Variants in PIWIL2 observed in about 807,000 individuals in gnomAD.
PIWIL2 encodes the protein piwi like RNA-mediated gene silencing 2.
Under a neutral mutation model 116.5 loss-of-function variants are expected in PIWIL2, and 81 were observed. That is an observed-to-expected ratio of 0.70 (90% CI 0.58 to 0.84). The LOEUF is 0.84. PIWIL2 is among the 40% of genes least tolerant of loss of function. The probability of loss-of-function intolerance (pLI) is 0.00; values close to 1 mark genes in which losing one functional copy is unlikely to be tolerated. For missense variants in PIWIL2, 1,272 were observed against 1,212.3 expected (o/e 1.05, Z -0.73); for synonymous variants, 489 against 429.5 (o/e 1.14, Z -1.71).
intron 10 of PIWIL2, among the ~76,000 whole-genome samples, chr8:22,300,028 C>G (rs1010274060): frequency 1.3e-5 from 2 of 152,072 alleles, no homozygotes; most frequent in South Asian, 2.1e-4. Context: ...CAACCTCCAT[C>G]TCCCGGGTTC....
In PIWIL2 at chr8:22,318,245, C is replaced by T; in HGVS notation, c.2373C>T (p.Cys791=). The T allele has an allele frequency of 6.2e-7, 1 of 1,609,770 alleles. No homozygotes were observed. The highest frequency in any genetic ancestry group is 8.5e-7 in the Non-Finnish European group (1 of 1,176,320). ...HQEIVDSLKL[C]LVGSLKKFYE... is the part of the protein sequence containing the mutation. ...AGATTGTGGACAGCCTGAAGCTATG[C>T]CTCGTGGGCTCCTTAAAAAAGTTTT... The change falls in exon 20 of 23, where the codon TGC becomes TGT. Residue 791 remains cysteine (C), a synonymous_variant. Transcript: ENST00000356766.
At chr8:22,310,286 A>G (rs1325070519) in intron 15 of PIWIL2, among the ~76,000 whole-genome samples, 1 of 152,226 alleles carries the variant, frequency 6.6e-6, no homozygotes, top group Non-Finnish European at 1.5e-5. Flanking sequence ...TAGGGAAAGG[A>G]AATAAATTGC....
intron 18 of PIWIL2, among the ~76,000 whole-genome samples, chr8:22,315,498 G>A (rs184866560): frequency 0.088 from 13,346 of 151,942 alleles, 1,952 homozygotes; most frequent in African/African-American, 0.31. Context: ...TGTATTTTTA[G>A]TACAGATGGG....
In PIWIL2 at chr8:22,354,292, C is replaced by G. The variant is rs1182983756; in HGVS notation, c.2679C>G (p.Ala893=). The G allele has an allele frequency of 6.2e-7, 1 of 1,612,502 alleles. No individual in the cohort carries two copies. Among genetic ancestry groups the G allele is most frequent in the African/African-American group, 1.3e-5 (1 of 74,980 alleles). ...SCEWVDFYLL[A]HHVRQGCGIP... The stretch of plus-strand genomic sequence containing the variant: ...CTAGGGTGGATTTCTATCTTCTTGC[C>G]CATCATGTACGGCAGGGCTGTGGCA... Residue 893 remains alanine (A), a synonymous_variant, in exon 22 of 23, where the codon GCC becomes GCG. Transcript: ENST00000356766.
intron 4 of PIWIL2, among the ~76,000 whole-genome samples, chr8:22,282,711 C>T (rs1053802537): frequency 2.0e-5 from 3 of 151,892 alleles, no homozygotes; most frequent in African/African-American, 7.3e-5. Context: ...CCACCTCAGC[C>T]ACCCGAGTAG....
rs1373457866 is a variant in PIWIL2 at position 22,353,030 on chromosome 8, T to C, written c.2475T>C (p.Val825=). The change falls in exon 21 of 23, where the codon GTT becomes GTC. Residue 825 remains valine, a synonymous_variant. Transcript: ENST00000356766. Reference sequence around the variant, plus strand: ...TGTCTGATGGCCAACTGAAGACAGTTGCCAACTATGAGATTCCTCAACTAC... The same window carrying C: ...TGTCTGATGGCCAACTGAAGACAGTCGCCAACTATGAGATTCCTCAACTAC... ...DGVSDGQLKT[V]ANYEIPQLQK... is the part of the protein sequence containing the mutation. 2.5e-6 allele frequency: 4 copies of C among 1,613,722 alleles called. No homozygotes were observed. Among genetic ancestry groups the C allele is most frequent in the Non-Finnish European group, 2.5e-6 (3 of 1,179,686 alleles).
At chr8:22,348,632 T>A (rs1210500288) in intron 20 of PIWIL2, among the ~76,000 whole-genome samples, 2 of 152,156 alleles carry the variant, frequency 1.3e-5, no homozygotes, top group African/African-American at 4.8e-5. Context: ...TTAGCCGGGC[T>A]TGATGGCACA....
intron 20 of PIWIL2, among the ~76,000 whole-genome samples, chr8:22,337,483 C>T (rs1832005501): frequency 6.6e-6 from 1 of 151,966 alleles, no homozygotes; most frequent in Non-Finnish European, 1.5e-5. Flanking sequence ...AATCCCAGCA[C>T]TTTGGGAGGC....
At chr8:22,342,891 A>C (rs765926827) in intron 20 of PIWIL2, among the ~76,000 whole-genome samples, 2 of 152,246 alleles carry the variant, frequency 1.3e-5, no homozygotes, top group African/African-American at 4.8e-5. Context: ...GTATACAAAG[A>C]ACTCTTAAAA....
chr8:22,327,023 A>ATTT (rs1831740207), intron 20 of PIWIL2, among the ~76,000 whole-genome samples: 1 of 81,898 alleles, frequency 1.2e-5, no homozygotes. Flanking sequence ...CTGTTTTTTT[A>ATTT]CTTTTTTTTT....
intron 20 of PIWIL2, among the ~76,000 whole-genome samples, chr8:22,337,275 AAT>A (rs1243498987): frequency 6.6e-6 from 1 of 152,160 alleles, no homozygotes; most frequent in East Asian, 1.9e-4. Flanking sequence ...ACACACACAC[AAT>A]TAGAGCTAAT....
intron 6 of PIWIL2, among the ~76,000 whole-genome samples, chr8:22,284,581 T>G (rs549797465): frequency 9.2e-5 from 14 of 152,312 alleles, no homozygotes; most frequent in African/African-American, 3.4e-4. Flanking sequence ...GTGTCTTCCA[T>G]GATCTTTTAA....
intron 20 of PIWIL2, among the ~76,000 whole-genome samples, chr8:22,323,866 T>C (rs1220672019): frequency 1.3e-5 from 2 of 152,028 alleles, no homozygotes; most frequent in African/African-American, 4.8e-5. Context: ...AAAGCAGGAG[T>C]CCTCTCAGTA....
At chr8:22,283,400 T>G (rs369463431) in intron 5 of PIWIL2, among the ~76,000 whole-genome samples, 160 bp downstream of exon 5, 2 of 152,172 alleles carry the variant, frequency 1.3e-5, no homozygotes, top group East Asian at 3.8e-4. Context: ...GACAAAGAGA[T>G]AGGACAATTT....
chr8:22,308,007 A>G lies in PIWIL2; in HGVS notation c.1620A>G (p.Ala540=). ...SALECLLQRI[A]KNEAATNELM... ...TGGAATGCTTGCTGCAAAGAATTGC[A>G]AAGAACGAGGCAGCCACCAATGAAC... The change falls in exon 14 of 23, where the codon GCA becomes GCG. Residue 540 remains alanine, a synonymous_variant. Coordinates refer to ENST00000356766, the MANE Select transcript of PIWIL2 (RefSeq NM_018068.5). 6.2e-7 allele frequency: 1 copy of G among 1,613,974 alleles called. No homozygotes were observed.
chr8:22,294,319 C>G (rs1342804534), intron 10 of PIWIL2, among the ~76,000 whole-genome samples: 1 of 117,334 alleles, frequency 8.5e-6, no homozygotes, highest in African/African-American at 3.2e-5. Flanking sequence ...GCCTGGGTGA[C>G]GGAGTGAGAC....
chr8:22,331,900 T>A (rs1831870895), intron 20 of PIWIL2, among the ~76,000 whole-genome samples: 1 of 152,102 alleles, frequency 6.6e-6, no homozygotes, highest in African/African-American at 2.4e-5. Context: ...ACAGTCACAT[T>A]CTGAGGTACT....
At chr8:22,307,517 C>T (rs1337559342) in intron 13 of PIWIL2, among the ~76,000 whole-genome samples, 1 of 110,502 alleles carries the variant, frequency 9.0e-6, no homozygotes, top group Admixed American at 1.0e-4. Context: ...GTATCTTGCT[C>T]TGTTGCCCAG....
chr8:22,341,672 A>G (rs1248609776), intron 20 of PIWIL2, among the ~76,000 whole-genome samples: 1 of 152,074 alleles, frequency 6.6e-6, no homozygotes, highest in African/African-American at 2.4e-5. Flanking sequence ...TAAAATCTAC[A>G]AAAAAGCTAC....
Sources: allele counts gnomAD v4.1 joint callset (sites outside exome capture counted in the v4.1 genomes callset), GRCh38; gene constraint gnomAD v4.1.1; transcripts MANE v1.5; gene names NCBI Gene and HGNC (gene_info 2026-07-23, HGNC 2026-07-21).